Variants in GFPT1 observed in about 807,000 individuals in gnomAD.
GFPT1 encodes glutamine--fructose-6-phosphate transaminase 1, also known as glutamine--fructose-6-phosphate aminotransferase [isomerizing] 1.
A neutral mutation model predicts 92.0 loss-of-function variants in GFPT1; 40 were observed. That is an observed-to-expected ratio of 0.43 (90% CI 0.34 to 0.57). The LOEUF (loss-of-function observed/expected upper bound fraction) is 0.57. GFPT1 is among the 20% of genes least tolerant of loss of function. The pLI is 0.02. For synonymous variants in GFPT1, 269 were observed against 280.6 expected, an observed-to-expected ratio of 0.96 and a Z score of 0.41; for missense variants, 448 against 869.1, an observed-to-expected ratio of 0.52 and a Z score of 6.09.
In GFPT1 at chr2:69,374,064, G is replaced by A. The variant is rs759431850; in HGVS notation, c.57C>T (p.Ile19=). The A allele has an allele frequency of 2.4e-5, 38 of 1,600,980 alleles. No individual in the cohort carries two copies. Among genetic ancestry groups the A allele is most frequent in the Non-Finnish European group, 3.2e-5 (37 of 1,169,116 alleles). ...NYHVPRTRRE[I]LETLIKGLQR... ...GAAGGCCTTTGATTAGGGTCTCCAG[G>A]ATTTCTCGTCTCGTTCGAGGAACAT... Residue 19 remains isoleucine, a synonymous_variant, in exon 2 of 20, where the codon ATC becomes ATT. Coordinates refer to ENST00000357308, the MANE Select transcript of GFPT1 (RefSeq NM_001244710.2).
chr2:69,376,367 CG>C (rs1035280602), intron 1 of GFPT1, among the ~76,000 whole-genome samples: 1 of 152,092 alleles, frequency 6.6e-6, no homozygotes, highest in African/African-American at 2.4e-5. Context: ...AAAAATTGGC[CG>C]GGCATGGTGG....
chr2:69,348,220 G>A lies in GFPT1; in HGVS notation c.960C>T (p.Pro320=), dbSNP rs140814934. 21 of 1,613,678 alleles carry A rather than the reference G, an allele frequency of 1.3e-5. No homozygotes were observed. The highest frequency in any genetic ancestry group is 8.3e-5 in the Admixed American group (5 of 60,008). ...HRIKRTAGDH[P]GRAVQTLQME... ...TCTGGAGTGTTTGCACAGCTCGTCCGGGGTGATCTCCTGCAGTTCGTTTAA... is the reference window on the plus strand; with the variant it reads ...TCTGGAGTGTTTGCACAGCTCGTCCAGGGTGATCTCCTGCAGTTCGTTTAA... Residue 320 remains proline, a synonymous_variant, in exon 11 of 20, where the codon CCC becomes CCT. Transcript: ENST00000357308.
chr2:69,370,007 C>T lies in GFPT1; in HGVS notation c.217G>A (p.Val73Ile), dbSNP rs150761439. The T allele has an allele frequency of 7.1e-6, 11 of 1,550,872 alleles. No homozygotes were observed. Among genetic ancestry groups the T allele is most frequent in the Non-Finnish European group, 9.8e-6 (11 of 1,122,320 alleles). ...KGKVKALDEE[V>I]HKQQDMDLDI... Reference sequence around the variant, plus strand: ...ATCAAATTAAGTACGTTACTGTGAACTTCTTCATCCAGTGCCTTAACTTTT... The same window carrying T: ...ATCAAATTAAGTACGTTACTGTGAATTTCTTCATCCAGTGCCTTAACTTTT... Residue 73 changes from valine (V) to isoleucine (I), a missense_variant, in exon 3 of 20, where the codon GTT (valine) becomes ATT (isoleucine). This residue lies in a region of GFPT1 where 72 missense variants were observed against 95.1 expected (regional missense o/e 0.76). Coordinates refer to ENST00000357308, the MANE Select transcript of GFPT1 (RefSeq NM_001244710.2).
chr2:69,371,556 G>A (rs6728202), intron 2 of GFPT1: 98,798 of 151,856 alleles, frequency 0.65, 33,338 homozygotes, highest in African/African-American at 0.84. Flanking sequence ...AAAAAATACT[G>A]GCCGGGCGCG....
chr2:69,326,954 T>A lies in GFPT1; in HGVS notation c.2015A>T (p.Gln672Leu). Residue 672 changes from glutamine to leucine, a missense_variant, in exon 19 of 20, where the codon CAG (glutamine) becomes CTG (leucine). Coordinates refer to ENST00000357308, the MANE Select transcript of GFPT1 (RefSeq NM_001244710.2). ...LQGILSVIPL[Q>L]LLAFHLAVLR... ...CACAGCAAGGTGGAAAGCCAGCAAC[T>A]GTAAAGGGATCACGCTGAGAATGCC... 6.2e-7 allele frequency: 1 copy of A among 1,614,198 alleles called. No individual in the cohort carries two copies. Among genetic ancestry groups the A allele is most frequent in the Non-Finnish European group, 8.5e-7 (1 of 1,180,020 alleles).
intron 4 of GFPT1, among the ~76,000 whole-genome samples, chr2:69,363,337 C>G (rs750200572): frequency 6.6e-6 from 1 of 152,112 alleles, no homozygotes; most frequent in Non-Finnish European, 1.5e-5. Flanking sequence ...CTCCTGGACT[C>G]AAGCAATCCT....
intron 1 of GFPT1, among the ~76,000 whole-genome samples, chr2:69,379,574 G>A (rs761013834): frequency 1.2e-4 from 18 of 152,030 alleles, no homozygotes; most frequent in Non-Finnish European, 2.2e-4. Context: ...GGTCTGCTCT[G>A]TCGCCCAGGC....
At chr2:69,326,255 A>G (rs778083408) in intron 19 of GFPT1, 22 bp from the exon 20 acceptor site, 5 of 1,543,652 alleles carry the variant, frequency 3.2e-6, no homozygotes, top group Non-Finnish European at 4.4e-6. Flanking sequence ...AAAAAAAAAA[A>G]AGCAAGATTT....
At chr2:69,336,256 T>C (rs995081313) in intron 15 of GFPT1, among the ~76,000 whole-genome samples, 3 of 149,586 alleles carry the variant, frequency 2.0e-5, no homozygotes, top group African/African-American at 7.4e-5. Flanking sequence ...GGAGAATCGC[T>C]TGAACCCAGG....
chr2:69,351,966 T>A (rs1228283027), intron 9 of GFPT1, among the ~76,000 whole-genome samples: 1 of 152,124 alleles, frequency 6.6e-6, no homozygotes, highest in African/African-American at 2.4e-5. Context: ...TATTACTGTA[T>A]GTTAAAAAAC....
In GFPT1 at chr2:69,325,192, T is replaced by G. The variant is rs760154573; in HGVS notation, c.*997A>C. 3.9e-5 allele frequency: 6 copies of G among 152,128 alleles called. No homozygotes were observed. Among genetic ancestry groups the G allele is most frequent in the Non-Finnish European group, 7.4e-5 (5 of 67,998 alleles). The allele number at this position is 152,128 out of a possible 1,614,324, so 9.4% of individuals were successfully genotyped here. On this transcript the variant is annotated 3_prime_UTR_variant, in exon 20 of 20. Coordinates refer to ENST00000357308, the MANE Select transcript of GFPT1 (RefSeq NM_001244710.2). The stretch of plus-strand genomic sequence containing the variant: ...TCCAAACTGGCACTAAGGGACTAGT[T>G]TTATGCAACAATGTAATGAAGGAAA...
At chr2:69,339,843 A>G (rs1670895220) in intron 13 of GFPT1, among the ~76,000 whole-genome samples, 1 of 152,120 alleles carries the variant, frequency 6.6e-6, no homozygotes, top group Non-Finnish European at 1.5e-5. Flanking sequence ...TTGAAGATAA[A>G]ATGCTCCTAT....
rs749512693 is a variant in GFPT1 at position 69,358,357 on chromosome 2, G to A, written c.515C>T (p.Thr172Ile). ...TTGTTGGATAACTCTCTCCACCAAG[G>A]TAGTAAAGCTGGTATCTTGACTTTC... Reference protein sequence around the residue: ...NRESQDTSFTTLVERVIQQLE... With the variant: ...NRESQDTSFTILVERVIQQLE... Residue 172 changes from threonine (T) to isoleucine (I), a missense_variant, in exon 6 of 20, where the codon ACC (threonine) becomes ATC (isoleucine). Around this residue, in one of 7 missense-constraint regions of GFPT1, gnomAD observed 118 missense variants for 192.9 expected, o/e 0.61. Coordinates refer to ENST00000357308, the MANE Select transcript of GFPT1 (RefSeq NM_001244710.2). 1 of 1,611,838 alleles carries A rather than the reference G, an allele frequency of 6.2e-7. No homozygotes were observed. The highest frequency in any genetic ancestry group is 8.5e-7 in the Non-Finnish European group (1 of 1,178,138).
At chr2:69,374,139 A>C (rs1436263878) in intron 1 of GFPT1, 26 bp from the exon 2 acceptor site, 1 of 1,119,276 alleles carries the variant, frequency 8.9e-7, no homozygotes, top group Non-Finnish European at 1.4e-6. Flanking sequence ...TATTTAATGA[A>C]AAATTCTGAT....
chr2:69,377,036 C>A (rs1420968176), intron 1 of GFPT1, among the ~76,000 whole-genome samples: 1 of 151,730 alleles, frequency 6.6e-6, no homozygotes, highest in Admixed American at 6.6e-5. Flanking sequence ...CGCTGAAACT[C>A]CGTCTCCACA....
intron 2 of GFPT1, 78 bp from the exon 3 acceptor site, chr2:69,370,186 A>G (rs1417733626): frequency 3.6e-6 from 3 of 826,218 alleles, no homozygotes; most frequent in Non-Finnish European, 6.4e-6. Context: ...CAAAATTTTT[A>G]ATTAAAAAAT....
In GFPT1 at chr2:69,338,026, G is replaced by A. The variant is rs759081713; in HGVS notation, c.1354C>T (p.Arg452Cys). 3 of 1,614,014 alleles carry A rather than the reference G, an allele frequency of 1.9e-6. No individual in the cohort carries two copies. Among genetic ancestry groups the A allele is most frequent in the African/African-American group, 1.3e-5 (1 of 75,000 alleles). Residue 452 changes from arginine (R) to cysteine (C), a missense_variant, in exon 15 of 20, where the codon CGT becomes TGT. By Grantham distance (180) the Arg-to-Cys change is radical. Coordinates refer to ENST00000357308, the MANE Select transcript of GFPT1 (RefSeq NM_001244710.2). ...GETADTLMGL[R>C]YCKERGALTV... ...AAAGCTCCTCTCTCCTTACAGTAAC[G>A]AAGACCCATCAAAGTATCTGCTGTC...
At chr2:69,359,961 A>C (rs774576045) in intron 4 of GFPT1, among the ~76,000 whole-genome samples, 1 of 152,216 alleles carries the variant, frequency 6.6e-6, no homozygotes, top group African/African-American at 2.4e-5. Flanking sequence ...TTTTTAACTA[A>C]TTTTGAAAAC....
chr2:69,329,635 T>C (rs751456558), intron 16 of GFPT1, 49 bp downstream of exon 16: 2 of 1,220,648 alleles, frequency 1.6e-6, no homozygotes, highest in Non-Finnish European at 2.4e-6. Context: ...TTTTACCTAT[T>C]ACCCACTCCC....
Sources: gnomAD v4.1 joint callset for allele counts (sites outside exome capture counted in the v4.1 genomes callset) on GRCh38, gnomAD v4.1.1 for gene constraint, gnomAD v4.1.1 regional missense constraint, MANE v1.5 for transcripts, NCBI Gene and HGNC (gene_info 2026-07-23, HGNC 2026-07-21) for gene names.